The following ZDHHC3 variants were observed in gnomAD, a reference collection of about 807,000 sequenced individuals.
The protein encoded by ZDHHC3 is zDHHC palmitoyltransferase 3.
In ZDHHC3, 9 loss-of-function variants were observed where a neutral mutation model predicts 30.6. The observed-to-expected ratio is 0.29, with a 90% CI of 0.18 to 0.51. ZDHHC3 has a LOEUF of 0.51. Among genes scored for constraint, ZDHHC3 ranks in the 20% least tolerant of loss-of-function variants. The probability of loss-of-function intolerance (pLI) is 0.97; values close to 1 mark genes in which losing one functional copy is unlikely to be tolerated. For synonymous variants in ZDHHC3, 136 were observed against 140.2 expected, an observed-to-expected ratio of 0.97 and a Z score of 0.21; for missense variants, 246 against 384.2, an observed-to-expected ratio of 0.64 and a Z score of 3.01.
rs766607177 is a variant in ZDHHC3, at chr3:44,926,675, C to T, written c.*14G>A. 6.3e-7 allele frequency: 1 copy of T among 1,575,032 alleles called. No individual in the cohort carries two copies. Among genetic ancestry groups the T allele is most frequent in the East Asian group, 2.3e-5 (1 of 44,174 alleles). On this transcript the variant is annotated 3_prime_UTR_variant, in exon 7 of 7. Coordinates refer to ENST00000424952, the MANE Select transcript of ZDHHC3 (RefSeq NM_001135179.2). ...GTGGACTTGTGTCTGAGTGGCCATG[C>T]CGGTCGGGGTCCTTCAGACCACATA...
At chr3:44,941,550 C>G (rs969782286) in intron 3 of ZDHHC3, among the ~76,000 whole-genome samples, 1 of 152,152 alleles carries the variant, frequency 6.6e-6, no homozygotes, top group Non-Finnish European at 1.5e-5. Context: ...CTCTCAGGGG[C>G]TCTAAGCAGC....
At chr3:44,934,438 T>C (rs1288425595) in intron 3 of ZDHHC3, among the ~76,000 whole-genome samples, 4 of 87,836 alleles carry the variant, frequency 4.6e-5, no homozygotes, top group Non-Finnish European at 9.4e-5. Context: ...TATGAGGTGC[T>C]ACCAGGGAGG....
At chr3:44,934,639 C>T (rs1192208811) in intron 3 of ZDHHC3, among the ~76,000 whole-genome samples, 1 of 150,470 alleles carries the variant, frequency 6.6e-6, no homozygotes, top group South Asian at 2.1e-4. Flanking sequence ...GGCCTGTAAT[C>T]CCGGCACTTT....
intron 2 of ZDHHC3, among the ~76,000 whole-genome samples, chr3:44,947,568 A>G (rs1171925761): frequency 6.6e-6 from 1 of 152,230 alleles, no homozygotes; most frequent in Non-Finnish European, 1.5e-5. Context: ...TGCCACAGAT[A>G]AAGTGCTCAG....
intron 2 of ZDHHC3, among the ~76,000 whole-genome samples, chr3:44,949,097 T>TA (rs1361897610): frequency 6.6e-6 from 1 of 152,046 alleles, no homozygotes; most frequent in Non-Finnish European, 1.5e-5. Flanking sequence ...TTTTTTTTTT[T>TA]AAGTTAAAAC....
chr3:44,929,529 C>A, intron 5 of ZDHHC3, 93 bp from the exon 6 acceptor site: 2 of 1,515,870 alleles, frequency 1.3e-6, no homozygotes, highest in African/African-American at 1.4e-5. Flanking sequence ...CTGCCTCCTG[C>A]TTGCAGGCCT....
At chr3:44,938,349 C>G (rs967473524) in intron 3 of ZDHHC3, 2 of 193,776 alleles carry the variant, frequency 1.0e-5, no homozygotes, top group Non-Finnish European at 2.2e-5. Flanking sequence ...CGACCTTTAA[C>G]CAGACAACTC....
At position 44,924,916 on chromosome 3, in the gene ZDHHC3, C is replaced by T; in HGVS notation, c.*1773G>A. ...AGACACGAGGTAAAGTTAACTGACT[C>T]AGGAAAGCTCTTAGGAGAGCCCATC... is the stretch of plus-strand genomic sequence containing the variant. On this transcript the variant is annotated 3_prime_UTR_variant, in exon 7 of 7. Coordinates refer to ENST00000424952, the MANE Select transcript of ZDHHC3 (RefSeq NM_001135179.2). 1 of 985,554 alleles carries T rather than the reference C, an allele frequency of 1.0e-6. No individual in the cohort carries two copies. The highest frequency in any genetic ancestry group is 1.2e-6 in the Non-Finnish European group (1 of 829,946). The allele number at this position is 985,554 out of a possible 1,614,324, so 61.1% of individuals were successfully genotyped here.
chr3:44,952,062 T>C (rs1287806052), intron 2 of ZDHHC3, among the ~76,000 whole-genome samples: 1 of 152,184 alleles, frequency 6.6e-6, no homozygotes, highest in Non-Finnish European at 1.5e-5. Context: ...AACTCAGACC[T>C]CTTGAATCTG....
In ZDHHC3 at chr3:44,922,870, T is replaced by C; in HGVS notation, c.*3819A>G. 5 of 985,226 alleles carry C rather than the reference T, an allele frequency of 5.1e-6. No individual in the cohort carries two copies. Among genetic ancestry groups the C allele is most frequent in the Non-Finnish European group, 3.6e-6 (3 of 829,890 alleles). 61.0% of individuals were successfully genotyped at this position (985,226 alleles called of 1,614,324 possible). A position where few individuals can be genotyped will look rare whatever the true frequency, so the allele number is the denominator to read the frequency against. ...TTGAGGAGGATTCTAGCAAAATCTTTCTCTTTTCACATTTCTTTGATATCT... is the reference window on the plus strand; with the variant it reads ...TTGAGGAGGATTCTAGCAAAATCTTCCTCTTTTCACATTTCTTTGATATCT... On this transcript the variant is annotated 3_prime_UTR_variant, in exon 7 of 7. Transcript: ENST00000424952.
In ZDHHC3 at chr3:44,918,583, T is replaced by C; in HGVS notation, c.*8106A>G. ...CACTCCCACCAGGGTAGATAGGGGC[T>C]GCAAACACAGCAGAAGGACGATGGG... On this transcript the variant is annotated 3_prime_UTR_variant, in exon 7 of 7. Transcript: ENST00000424952. 1 of 985,404 alleles carries C rather than the reference T, an allele frequency of 1.0e-6. No individual in the cohort carries two copies. Among genetic ancestry groups the C allele is most frequent in the Non-Finnish European group, 1.2e-6 (1 of 829,926 alleles). 61.0% of individuals were successfully genotyped at this position (985,404 alleles called of 1,614,324 possible). A position where few individuals can be genotyped will look rare whatever the true frequency, so the allele number is the denominator to read the frequency against.
At position 44,923,050 on chromosome 3, in the gene ZDHHC3, T is replaced by A. The variant is rs1044141200; in HGVS notation, c.*3639A>T. ...CACCCGGAGAGGAGTTTCTGTGTAA[T>A]GCCAACCTCACATACATGTTTAAAA... On this transcript the variant is annotated 3_prime_UTR_variant, in exon 7 of 7. Coordinates refer to ENST00000424952, the MANE Select transcript of ZDHHC3 (RefSeq NM_001135179.2). The A allele has an allele frequency of 1.0e-6, 1 of 983,456 alleles. No homozygotes were observed. Among genetic ancestry groups the A allele is most frequent in the Non-Finnish European group, 1.2e-6 (1 of 829,522 alleles). The allele number at this position is 983,456 out of a possible 1,614,324, so 60.9% of individuals were successfully genotyped here.
chr3:44,956,462 C>T (rs1009597735), intron 2 of ZDHHC3, among the ~76,000 whole-genome samples: 3 of 152,226 alleles, frequency 2.0e-5, no homozygotes, highest in Non-Finnish European at 4.4e-5. Context: ...CAATCTCTCT[C>T]CATTCTGTCA....
rs1274899714 is a variant in ZDHHC3 at position 44,925,568 on chromosome 3, G to T, written c.*1121C>A. On this transcript the variant is annotated 3_prime_UTR_variant, in exon 7 of 7. Transcript: ENST00000424952. ...TGCCACAGGCTTAGGTGTGTCTGTG[G>T]ATTCTGGCCAATGGGATGGCCATAT... The T allele has an allele frequency of 1.0e-6, 1 of 985,350 alleles. No individual in the cohort carries two copies. The highest frequency in any genetic ancestry group is 1.7e-5 in the African/African-American group (1 of 57,232). The allele number at this position is 985,350 out of a possible 1,614,324, so 61.0% of individuals were successfully genotyped here. A position where few individuals can be genotyped will look rare whatever the true frequency, so the allele number is the denominator to read the frequency against.
At chr3:44,934,044 G>A in intron 3 of ZDHHC3, 60 bp from the exon 4 acceptor site, 1 of 1,528,420 alleles carries the variant, frequency 6.5e-7, no homozygotes, top group Non-Finnish European at 9.1e-7. Flanking sequence ...AGGGCCCCGG[G>A]GGAACGCAGA....
rs999718663 is a variant in ZDHHC3 at position 44,921,313 on chromosome 3, G to T, written c.*5376C>A. 1.1e-5 allele frequency: 11 copies of T among 985,406 alleles called. No individual in the cohort carries two copies. The highest frequency in any genetic ancestry group is 1.2e-5 in the Non-Finnish European group (10 of 829,936). 61.0% of individuals were successfully genotyped at this position (985,406 alleles called of 1,614,324 possible). A position where few individuals can be genotyped will look rare whatever the true frequency, so the allele number is the denominator to read the frequency against. On this transcript the variant is annotated 3_prime_UTR_variant, in exon 7 of 7. Coordinates refer to ENST00000424952, the MANE Select transcript of ZDHHC3 (RefSeq NM_001135179.2). ...TTCCCTGCTCCCTGTATCATCAGATGTAGAAAGCCAGAGCCTCAGGGAGCA... is the reference window on the plus strand; with the variant it reads ...TTCCCTGCTCCCTGTATCATCAGATTTAGAAAGCCAGAGCCTCAGGGAGCA...
At chr3:44,946,441 C>T (rs1468732793) in intron 2 of ZDHHC3, among the ~76,000 whole-genome samples, 1 of 152,210 alleles carries the variant, frequency 6.6e-6, no homozygotes, top group Non-Finnish European at 1.5e-5. Flanking sequence ...GTGCTGAGCC[C>T]TGTGCTCTCA....
At chr3:44,973,585 A>T (rs994086668) in intron 1 of ZDHHC3, among the ~76,000 whole-genome samples, 3 of 152,040 alleles carry the variant, frequency 2.0e-5, no homozygotes, top group Admixed American at 2.0e-4. Flanking sequence ...CAGCCTCCCG[A>T]GTAGCTGGGA....
At chr3:44,929,060 CA>C (rs1701255433) in intron 6 of ZDHHC3, among the ~76,000 whole-genome samples, 1 of 152,222 alleles carries the variant, frequency 6.6e-6, no homozygotes, top group African/African-American at 2.4e-5. Flanking sequence ...GTGGTAAAGG[CA>C]GCCTTTCAGC....
Sources: allele counts gnomAD v4.1 joint callset (sites outside exome capture counted in the v4.1 genomes callset), GRCh38; gene constraint gnomAD v4.1.1; transcripts MANE v1.5; gene names NCBI Gene and HGNC (gene_info 2026-07-23, HGNC 2026-07-21).